MUSK: variants seen among roughly 807,000 people sequenced by gnomAD.
MUSK encodes the protein muscle, skeletal receptor tyrosine-protein kinase.
A neutral mutation model predicts 88.7 loss-of-function variants in MUSK; 55 were observed. The ratio of observed to expected loss-of-function variants is 0.62; its 90% CI spans 0.50 to 0.78. The LOEUF (loss-of-function observed/expected upper bound fraction) is 0.78. Ranked by LOEUF, MUSK falls within the 30% of genes least tolerant of loss-of-function variation. The pLI, the probability that MUSK is intolerant of heterozygous loss-of-function variation, is 0.00. For missense variants in MUSK, 1,015 were observed against 1,074.3 expected, an observed-to-expected ratio of 0.94 and a Z score of 0.77; for synonymous variants, 387 against 391.9, an observed-to-expected ratio of 0.99 and a Z score of 0.15.
At chr9:110,759,873 T>C (rs1356875149) in intron 7 of MUSK, among the ~76,000 whole-genome samples, 2 of 152,050 alleles carry the variant, frequency 1.3e-5, no homozygotes, top group East Asian at 1.9e-4. Flanking sequence ...TCGTCTCTAC[T>C]AGAAATCCAA....
intron 7 of MUSK, among the ~76,000 whole-genome samples, chr9:110,757,778 AAG>A (rs1442509149): frequency 6.6e-6 from 1 of 152,012 alleles, no homozygotes; most frequent in African/African-American, 2.4e-5. Flanking sequence ...CCTTTATTAT[AAG>A]AGTCTATGAA....
chr9:110,752,111 G>A (rs1258026707), intron 7 of MUSK, among the ~76,000 whole-genome samples: 1 of 152,070 alleles, frequency 6.6e-6, no homozygotes, highest in Non-Finnish European at 1.5e-5. Context: ...ATTTCCCGAG[G>A]CAGACCTAAT....
At chr9:110,670,191 T>C (rs1433572753) in intron 1 of MUSK, among the ~76,000 whole-genome samples, 1 of 152,216 alleles carries the variant, frequency 6.6e-6, no homozygotes, top group Non-Finnish European at 1.5e-5. Context: ...TAATTTCTAA[T>C]GAATACTTTA....
rs2078151031 is a variant in MUSK at position 110,805,613 on chromosome 9, A to G, written c.*4625A>G. ...TATCATGTTAAAAATATAGACTTCT[A>G]TTTGTCTTTTATTGTAGGTTTTATC... On this transcript the variant is annotated 3_prime_UTR_variant, in exon 15 of 15. Transcript: ENST00000374448. 6.6e-6 allele frequency among the ~76,000 whole-genome samples: 1 copy of G among 151,818 alleles called. No homozygotes were observed. The highest frequency in any genetic ancestry group is 2.1e-4 in the South Asian group (1 of 4,824).
At chr9:110,791,221 T>A (rs2077969868) in intron 14 of MUSK, among the ~76,000 whole-genome samples, 1 of 146,396 alleles carries the variant, frequency 6.8e-6, no homozygotes, top group Non-Finnish European at 1.5e-5. Flanking sequence ...CACTAGGGAG[T>A]GCCAGACAGT....
intron 1 of MUSK, among the ~76,000 whole-genome samples, chr9:110,681,095 T>TATATATA (rs2076121843): frequency 0.034 from 487 of 14,140 alleles, 82 homozygotes; most frequent in African/African-American, 0.15. Flanking sequence ...TAATATATAT[T>TATATATA]ATATAATATA....
At chr9:110,670,576 G>T (rs75349897) in intron 1 of MUSK, among the ~76,000 whole-genome samples, 11,049 of 152,036 alleles carry the variant, frequency 0.073, 563 homozygotes, top group Non-Finnish European at 0.1. Flanking sequence ...TACAAATAAA[G>T]CCCTTAATTC....
At position 110,767,937 on chromosome 9, in the gene MUSK, G is replaced by A; in HGVS notation, c.1038G>A (p.Glu346=). 6.2e-7 allele frequency: 1 copy of A among 1,613,904 alleles called. No individual in the cohort carries two copies. The highest frequency in any genetic ancestry group is 8.5e-7 in the Non-Finnish European group (1 of 1,179,874). ...ACACCTCCTATGCGGACCCTGAGGAGGCCCAAGAGCTACTGGTCCACACGG... is the reference window on the plus strand; with the variant it reads ...ACACCTCCTATGCGGACCCTGAGGAAGCCCAAGAGCTACTGGTCCACACGG... The part of the protein sequence containing the change: ...FLNTSYADPE[E]AQELLVHTAW... The change falls in exon 9 of 15, where the codon GAG becomes GAA. Residue 346 remains glutamate (E), a synonymous_variant. Coordinates refer to ENST00000374448, the MANE Select transcript of MUSK (RefSeq NM_005592.4).
chr9:110,707,978 A>C (rs2076620213), intron 5 of MUSK, among the ~76,000 whole-genome samples: 2 of 152,234 alleles, frequency 1.3e-5, no homozygotes, highest in South Asian at 4.1e-4. Flanking sequence ...AGGCTGCACT[A>C]TCTACCCTTA....
intron 5 of MUSK, among the ~76,000 whole-genome samples, chr9:110,702,752 G>A (rs1289240172): frequency 6.6e-6 from 1 of 152,080 alleles, no homozygotes; most frequent in Non-Finnish European, 1.5e-5. Context: ...AATTAGCCAG[G>A]TGTGGTGGTA....
intron 14 of MUSK, among the ~76,000 whole-genome samples, chr9:110,799,458 T>G (rs2132062542): frequency 6.6e-6 from 1 of 152,328 alleles, no homozygotes; most frequent in East Asian, 1.9e-4. Context: ...TTCAAAATGT[T>G]TTACTGCAGC....
intron 1 of MUSK, among the ~76,000 whole-genome samples, chr9:110,672,687 G>A (rs112095666): frequency 0.028 from 4,225 of 152,118 alleles, 196 homozygotes; most frequent in African/African-American, 0.097. Flanking sequence ...CATTCATAAT[G>A]TTAGAGAAAC....
chr9:110,713,254 C>CA (rs2076697615), intron 5 of MUSK, among the ~76,000 whole-genome samples: 1 of 124,596 alleles, frequency 8.0e-6, no homozygotes, highest in Non-Finnish European at 1.7e-5. Flanking sequence ...TCTCTTGGAC[C>CA]TTTTTTTCTT....
intron 3 of MUSK, among the ~76,000 whole-genome samples, chr9:110,691,152 T>C (rs2076351340): frequency 6.6e-6 from 1 of 152,066 alleles, no homozygotes; most frequent in Non-Finnish European, 1.5e-5. Context: ...GGCATGAGCC[T>C]GTTTGTGTTA....
intron 3 of MUSK, among the ~76,000 whole-genome samples, chr9:110,691,086 A>T (rs893379090): frequency 1.3e-5 from 2 of 151,642 alleles, no homozygotes; most frequent in Non-Finnish European, 2.9e-5. Flanking sequence ...GCCAGTCTCA[A>T]ACTCCTAACC....
intron 1 of MUSK, among the ~76,000 whole-genome samples, chr9:110,679,256 A>G (rs1465836222): frequency 2.0e-5 from 3 of 152,038 alleles, no homozygotes; most frequent in African/African-American, 4.8e-5. Context: ...GTTTGAGTCC[A>G]TATTTTTAAA....
intron 3 of MUSK, among the ~76,000 whole-genome samples, chr9:110,691,174 G>C (rs561439965): frequency 1.5e-4 from 23 of 152,126 alleles, no homozygotes; most frequent in African/African-American, 5.5e-4. Context: ...CTCTTTATCA[G>C]CGTAGCCAAT....
intron 6 of MUSK, among the ~76,000 whole-genome samples, chr9:110,741,098 G>A (rs7874941): frequency 0.78 from 118,286 of 151,928 alleles, 46,306 homozygotes; most frequent in African/African-American, 0.81. Flanking sequence ...ACTGTATTGC[G>A]CACTTGAAAT....
rs753647097 is a variant in MUSK, at chr9:110,785,550, C to A, written c.1610C>A (p.Thr537Asn). The A allele has an allele frequency of 6.2e-7, 1 of 1,611,610 alleles. No individual in the cohort carries two copies. The part of the protein sequence containing the change: ...KKRESAAVTL[T>N]TLPSELLLDR... ...AGAGAATCAGCAGCAGTAACCCTCA[C>A]CACACTGCCTTCTGAGCTCTTACTA... Residue 537 changes from threonine to asparagine, a missense_variant, in exon 13 of 15, where the codon ACC becomes AAC. Thr to Asn is a moderately conservative substitution (Grantham distance 65). Transcript: ENST00000374448.
Sources: allele counts gnomAD v4.1 joint callset (sites outside exome capture counted in the v4.1 genomes callset), GRCh38; gene constraint gnomAD v4.1.1; transcripts MANE v1.5; gene names NCBI Gene and HGNC (gene_info 2026-07-23, HGNC 2026-07-21).